EPHA6: variants seen among roughly 807,000 people sequenced by gnomAD.
EPHA6 encodes the protein ephrin type-A receptor 6.
Under a neutral mutation model 112.0 loss-of-function variants are expected in EPHA6, and 50 were observed. The ratio of observed to expected loss-of-function variants is 0.45; its 90% CI spans 0.36 to 0.56. The LOEUF (loss-of-function observed/expected upper bound fraction) is 0.56. Among genes scored for constraint, EPHA6 ranks in the 20% least tolerant of loss-of-function variants. The probability of loss-of-function intolerance (pLI) is 0.00; values close to 1 mark genes in which losing one functional copy is unlikely to be tolerated. For missense variants in EPHA6, 1,280 were observed against 1,417.4 expected (o/e 0.90, Z 1.56); for synonymous variants, 529 against 490.7 (o/e 1.08, Z -1.03).
chr3:97,499,357 T>A (rs1322095928), intron 10 of EPHA6, among the ~76,000 whole-genome samples: 1 of 152,204 alleles, frequency 6.6e-6, no homozygotes, highest in Non-Finnish European at 1.5e-5. Context: ...GATCTGTATA[T>A]CTTCTTCCCA....
At chr3:96,939,249 G>A (rs1246668893) in intron 2 of EPHA6, among the ~76,000 whole-genome samples, 5 of 152,156 alleles carry the variant, frequency 3.3e-5, no homozygotes, top group East Asian at 1.9e-4. Context: ...AATCTTTTTC[G>A]TTGGTAAGCT....
rs573843877 is a variant in EPHA6 at position 97,273,673 on chromosome 3, G to A, written c.1606+29386G>A. ...CTACCTTTCCTGAAGACTGAGGACC[G>A]TAGGGGATATAAAGGTTTCACTGAA... is the stretch of plus-strand genomic sequence containing the variant. On this transcript the variant is annotated intron_variant, in intron 5 of 17. Coordinates refer to ENST00000389672, the MANE Select transcript of EPHA6 (RefSeq NM_001080448.3). Among the ~76,000 whole-genome samples, 61 of 152,236 alleles carry A rather than the reference G, an allele frequency of 4.0e-4. 2 individuals are homozygous for A. The highest frequency in any genetic ancestry group is 9.9e-4 in the African/African-American group (41 of 41,542).
intron 1 of EPHA6, among the ~76,000 whole-genome samples, chr3:96,821,212 C>G (rs797019214): frequency 7.5e-4 from 114 of 151,814 alleles, no homozygotes; most frequent in African/African-American, 2.6e-3. Flanking sequence ...TTTGAGTTAC[C>G]TTTTAATACT....
chr3:96,989,306 G>C (rs2043133625), intron 3 of EPHA6, among the ~76,000 whole-genome samples: 1 of 152,096 alleles, frequency 6.6e-6, no homozygotes, highest in Non-Finnish European at 1.5e-5. Context: ...TTTGTAACTG[G>C]AGAATACTAA....
At chr3:97,275,994 G>A (rs1036365470) in intron 5 of EPHA6, among the ~76,000 whole-genome samples, 2 of 152,200 alleles carry the variant, frequency 1.3e-5, no homozygotes, top group Admixed American at 1.3e-4. Flanking sequence ...AAAAAAGAGT[G>A]CATAAAATAA....
chr3:97,137,674 GA>G lies in EPHA6; in HGVS notation c.1115-88582del, dbSNP rs1422634333. 5.3e-5 allele frequency among the ~76,000 whole-genome samples: 8 copies of G among 151,310 alleles called. No homozygotes were observed. The East Asian group carries it at 1.4e-3, about 26-fold the overall frequency. On this transcript the variant is annotated intron_variant, in intron 3 of 17. Transcript: ENST00000389672. ...AAACTATATTGCTATTTATTGTTTT[GA>G]AAAAAAATTACAGCATTTGCCAAAT...
intron 12 of EPHA6, among the ~76,000 whole-genome samples, chr3:97,595,869 T>A (rs538135555): frequency 6.6e-6 from 1 of 151,506 alleles, no homozygotes; most frequent in East Asian, 1.9e-4. Context: ...AAAGAATGTG[T>A]CCCTCTTTTA....
intron 3 of EPHA6, among the ~76,000 whole-genome samples, chr3:96,990,928 A>T (rs1559650707): frequency 1.3e-5 from 2 of 152,174 alleles, no homozygotes; most frequent in African/African-American, 4.8e-5. Flanking sequence ...TAGGAAAAGA[A>T]AAAATGAGTA....
intron 7 of EPHA6, chr3:97,466,263 G>GT (rs1391919860): frequency 3.5e-6 from 4 of 1,147,492 alleles, no homozygotes; most frequent in Non-Finnish European, 5.2e-6. Flanking sequence ...AAAGATGACA[G>GT]TAAGGTTAGA....
intron 5 of EPHA6, among the ~76,000 whole-genome samples, chr3:97,267,402 C>A (rs1013930033): frequency 6.6e-6 from 1 of 151,580 alleles, no homozygotes; most frequent in Non-Finnish European, 1.5e-5. Flanking sequence ...TCAGAGTCCA[C>A]CCCTATTAGA....
chr3:97,421,305 A>T (rs1316416168), intron 6 of EPHA6, among the ~76,000 whole-genome samples: 1 of 152,162 alleles, frequency 6.6e-6, no homozygotes, highest in Non-Finnish European at 1.5e-5. Flanking sequence ...CAGATTTAAA[A>T]AGATTATAGT....
At chr3:97,590,575 T>A in intron 11 of EPHA6, among the ~76,000 whole-genome samples, 1 of 152,200 alleles carries the variant, frequency 6.6e-6, no homozygotes, top group East Asian at 1.9e-4. Context: ...TTTCTTCAAA[T>A]TGCCTTTAAT....
At chr3:97,443,453 C>T (rs530273472) in intron 6 of EPHA6, among the ~76,000 whole-genome samples, 3 of 150,924 alleles carry the variant, frequency 2.0e-5, no homozygotes, top group East Asian at 2.0e-4. Flanking sequence ...ATTTTCAAAT[C>T]GGTATGACTT....
At chr3:97,288,720 C>T (rs1472725586) in intron 5 of EPHA6, among the ~76,000 whole-genome samples, 1 of 151,984 alleles carries the variant, frequency 6.6e-6, no homozygotes, top group Non-Finnish European at 1.5e-5. Context: ...CTGTACTATG[C>T]GGCCTCACTA....
At chr3:97,555,374 G>A (rs1159863293) in intron 11 of EPHA6, among the ~76,000 whole-genome samples, 3 of 152,120 alleles carry the variant, frequency 2.0e-5, no homozygotes, top group East Asian at 1.9e-4. Flanking sequence ...ATTGTGAATA[G>A]TGCCGCAATA....
At chr3:97,085,796 A>T (rs1330328410) in intron 3 of EPHA6, among the ~76,000 whole-genome samples, 2 of 151,852 alleles carry the variant, frequency 1.3e-5, no homozygotes, top group Non-Finnish European at 2.9e-5. Flanking sequence ...TACTTCTTAA[A>T]CTACTTTTCA....
chr3:97,559,921 A>G (rs923135991), intron 11 of EPHA6, among the ~76,000 whole-genome samples: 25 of 151,976 alleles, frequency 1.6e-4, no homozygotes, highest in Non-Finnish European at 5.9e-5. Flanking sequence ...TAATCACCAT[A>G]AAATTTATTC....
At chr3:96,905,152 A>G (rs2038863167) in intron 2 of EPHA6, among the ~76,000 whole-genome samples, 1 of 152,110 alleles carries the variant, frequency 6.6e-6, no homozygotes. Flanking sequence ...AAATGGCTTT[A>G]GAATTCAAAG....
chr3:97,198,222 A>G (rs1021608872), intron 3 of EPHA6, among the ~76,000 whole-genome samples: 2 of 152,096 alleles, frequency 1.3e-5, no homozygotes, highest in Non-Finnish European at 1.5e-5. Context: ...GACAATCACT[A>G]TAGGGTTCTA....
Sources: allele counts gnomAD v4.1 joint callset (sites outside exome capture counted in the v4.1 genomes callset), GRCh38; gene constraint gnomAD v4.1.1; transcripts MANE v1.5; gene names NCBI Gene and HGNC (gene_info 2026-07-23, HGNC 2026-07-21).